The following GALNT13 variants were observed in gnomAD, a reference collection of about 807,000 sequenced individuals.
GALNT13 encodes the protein UDP-GalNAc:polypeptide N-acetylgalactosaminyltransferase 13.
A neutral mutation model predicts 64.2 loss-of-function variants in GALNT13; 28 were observed. That is an observed-to-expected ratio of 0.44 (90% CI 0.32 to 0.60). The LOEUF is 0.60. GALNT13 is among the 20% of genes least tolerant of loss of function. The pLI, the probability that GALNT13 is intolerant of heterozygous loss-of-function variation, is 0.05. For synonymous variants in GALNT13, 214 were observed against 224.6 expected (o/e 0.95, Z 0.42); for missense variants, 577 against 669.8 (o/e 0.86, Z 1.53).
the GALNT13 span, among the ~76,000 whole-genome samples, chr2:153,503,476 C>T: frequency 2.5e-3 from 380 of 152,068 alleles, 1 homozygote; most frequent in South Asian, 5.6e-3. Context: ...CGACTTGCTC[C>T]GTTGCCAAGG....
chr2:153,203,031 T>C, the GALNT13 span, among the ~76,000 whole-genome samples: 1 of 152,222 alleles, frequency 6.6e-6, no homozygotes, highest in Non-Finnish European at 1.5e-5. Context: ...TCAATGTGCC[T>C]TTCGGTGTCT....
At chr2:153,939,331 C>G (rs1558864283) in intron 2 of GALNT13, among the ~76,000 whole-genome samples, 1 of 152,166 alleles carries the variant, frequency 6.6e-6, no homozygotes, top group Non-Finnish European at 1.5e-5. Flanking sequence ...GCCAGGAGAC[C>G]TAAGTCACTG....
chr2:153,678,074 AAAAC>A, the GALNT13 span, among the ~76,000 whole-genome samples: 8 of 139,840 alleles, frequency 5.7e-5, no homozygotes, highest in African/African-American at 2.0e-4. Context: ...AAAAAACAAA[AAAAC>A]AAAAGAAACT....
the GALNT13 span, among the ~76,000 whole-genome samples, chr2:153,710,187 T>G: frequency 6.6e-6 from 1 of 152,254 alleles, no homozygotes; most frequent in East Asian, 1.9e-4. Flanking sequence ...TTAGTTACGT[T>G]GATTTAACTA....
chr2:154,009,640 C>T (rs1401234060), intron 3 of GALNT13, among the ~76,000 whole-genome samples: 1 of 151,934 alleles, frequency 6.6e-6, no homozygotes, highest in Non-Finnish European at 1.5e-5. Context: ...ACATGTGCCA[C>T]CACCATGACT....
the GALNT13 span, among the ~76,000 whole-genome samples, chr2:153,367,057 T>G: frequency 1.3e-5 from 2 of 149,632 alleles, no homozygotes; most frequent in Admixed American, 6.7e-5. Context: ...AGACCTAATC[T>G]AAAAGAAGTA....
chr2:154,153,405 C>T (rs978092664), intron 4 of GALNT13, among the ~76,000 whole-genome samples: 3 of 152,216 alleles, frequency 2.0e-5, no homozygotes, highest in Non-Finnish European at 4.4e-5. Flanking sequence ...AGGAGGCAGT[C>T]TGCCCATTCT....
chr2:153,642,787 A>G, the GALNT13 span, among the ~76,000 whole-genome samples: 1 of 151,832 alleles, frequency 6.6e-6, no homozygotes, highest in Non-Finnish European at 1.5e-5. Context: ...ATTTTATTGT[A>G]ACCTTTACAA....
At chr2:154,017,024 T>C (rs1173567334) in intron 3 of GALNT13, among the ~76,000 whole-genome samples, 1 of 152,104 alleles carries the variant, frequency 6.6e-6, no homozygotes, top group East Asian at 1.9e-4. Context: ...CAGAAAGTAG[T>C]CTTTTTTTCC....
At chr2:154,376,781 G>A (rs1467424670) in intron 9 of GALNT13, among the ~76,000 whole-genome samples, 1 of 152,036 alleles carries the variant, frequency 6.6e-6, no homozygotes, top group Non-Finnish European at 1.5e-5. Flanking sequence ...GATTTTCCAT[G>A]TTTCCATAAA....
the GALNT13 span, among the ~76,000 whole-genome samples, chr2:153,553,724 T>C: frequency 6.6e-6 from 1 of 152,114 alleles, no homozygotes; most frequent in Non-Finnish European, 1.5e-5. Context: ...CAACTCCCCA[T>C]TTCCAGGAAC....
the GALNT13 span, among the ~76,000 whole-genome samples, chr2:153,626,242 G>A: frequency 7.2e-5 from 11 of 152,026 alleles, no homozygotes; most frequent in Admixed American, 5.9e-4. Flanking sequence ...AAGGTAGAAC[G>A]AGGAAGAACC....
intron 2 of GALNT13, 137 bp from the exon 3 acceptor site, chr2:153,944,256 CT>C (rs1163735656): frequency 2.7e-6 from 1 of 376,142 alleles, no homozygotes; most frequent in Non-Finnish European, 4.7e-6. Context: ...TTTATTTAGG[CT>C]TTTAATTTTG....
At chr2:153,708,219 G>GT in the GALNT13 span, among the ~76,000 whole-genome samples, 1 of 152,040 alleles carries the variant, frequency 6.6e-6, no homozygotes, top group Non-Finnish European at 1.5e-5. Context: ...AAAACTACTG[G>GT]TGTATGTTCC....
chr2:153,845,758 A>G, the GALNT13 span, among the ~76,000 whole-genome samples: 1 of 149,360 alleles, frequency 6.7e-6, no homozygotes, highest in South Asian at 2.1e-4. Flanking sequence ...CCACAAATTT[A>G]CGAATTTCTT....
At chr2:153,788,094 T>C in the GALNT13 span, among the ~76,000 whole-genome samples, 3 of 152,120 alleles carry the variant, frequency 2.0e-5, no homozygotes, top group Non-Finnish European at 4.4e-5. Context: ...AGAAAACCTC[T>C]GGCTTGGGCC....
chr2:154,208,496 T>C (rs1687588014), intron 4 of GALNT13, among the ~76,000 whole-genome samples: 1 of 152,112 alleles, frequency 6.6e-6, no homozygotes. Context: ...GTCATAATGA[T>C]CTGGAGCTCA....
chr2:154,310,729 C>T (rs1003055887), intron 9 of GALNT13, among the ~76,000 whole-genome samples: 1 of 152,002 alleles, frequency 6.6e-6, no homozygotes, highest in Non-Finnish European at 1.5e-5. Flanking sequence ...AGAATGAGAG[C>T]ACTGGAGGCA....
At chr2:153,410,806 G>C in the GALNT13 span, among the ~76,000 whole-genome samples, 2 of 151,854 alleles carry the variant, frequency 1.3e-5, no homozygotes, top group Admixed American at 1.3e-4. Flanking sequence ...GTTAGCACTA[G>C]AGATAGTCTG....
Sources: gnomAD v4.1 joint callset for allele counts (sites outside exome capture counted in the v4.1 genomes callset) on GRCh38, gnomAD v4.1.1 for gene constraint, MANE v1.5 for transcripts, NCBI Gene and HGNC (gene_info 2026-07-23, HGNC 2026-07-21) for gene names.